GRID1: variants seen among roughly 807,000 people sequenced by gnomAD.
The protein encoded by GRID1 is glutamate ionotropic receptor delta type subunit 1.
In GRID1, 28 loss-of-function variants were observed where a neutral mutation model predicts 98.0. The observed-to-expected ratio is 0.29, with a 90% CI of 0.21 to 0.39. The LOEUF is 0.39. Ranked by LOEUF, GRID1 falls within the 10% of genes least tolerant of loss-of-function variation. GRID1 has a pLI of 1.00. For missense variants in GRID1, 1,111 were observed against 1,340.5 expected, an observed-to-expected ratio of 0.83 and a Z score of 2.67; for synonymous variants, 553 against 538.5, an observed-to-expected ratio of 1.03 and a Z score of -0.37.
chr10:86,347,150 C>A (rs1033260262), intron 2 of GRID1, among the ~76,000 whole-genome samples: 12 of 151,890 alleles, frequency 7.9e-5, no homozygotes, highest in African/African-American at 2.9e-4. Context: ...CTCCTGTCCC[C>A]AAAGAGCTTT....
chr10:86,358,517 G>T (rs562938350), intron 2 of GRID1, among the ~76,000 whole-genome samples: 8 of 152,258 alleles, frequency 5.3e-5, no homozygotes, highest in African/African-American at 1.9e-4. Flanking sequence ...CCAGCACTTT[G>T]GGAGGCAAAG....
intron 4 of GRID1, among the ~76,000 whole-genome samples, chr10:86,010,933 G>T (rs950586244): frequency 2.0e-5 from 3 of 152,148 alleles, no homozygotes; most frequent in Non-Finnish European, 4.4e-5. Flanking sequence ...AATCATGAAG[G>T]CTATCAAGAT....
intron 4 of GRID1, among the ~76,000 whole-genome samples, chr10:86,078,966 C>T (rs1385637698): frequency 6.6e-6 from 1 of 151,768 alleles, no homozygotes; most frequent in East Asian, 1.9e-4. Flanking sequence ...CTTAAGGGGG[C>T]TCAACAGGCA....
intron 2 of GRID1, among the ~76,000 whole-genome samples, chr10:86,251,492 C>G (rs1176807254): frequency 6.6e-6 from 1 of 152,168 alleles, no homozygotes; most frequent in Non-Finnish European, 1.5e-5. Flanking sequence ...GGGAGCTGGT[C>G]CCTCAAGCCT....
rs56750241 is a variant in GRID1 at position 86,221,898 on chromosome 10, T to TCTCCTCCTC, written c.236-15259_236-15251dup. Reference sequence around the variant, plus strand: ...GAAGCCCCCTCCCCCTCCTCCTCCTTCTCCTCCTCCTCCTCCTCCTCACCC... The same window carrying TCTCCTCCTC: ...GAAGCCCCCTCCCCCTCCTCCTCCTTCTCCTCCTCCTCCTCCTCCTCCTCCTCCTCACCC... On this transcript the variant is annotated intron_variant, in intron 2 of 15. Transcript: ENST00000327946. Among the ~76,000 whole-genome samples, 61 of 150,014 alleles carry TCTCCTCCTC rather than the reference T, an allele frequency of 4.1e-4. No homozygotes were observed. The East Asian group carries it at 4.2e-3, about 10-fold the overall frequency.
rs151332585 is a variant in GRID1, at chr10:86,090,803, C to T, written c.726+48016G>A. Among the ~76,000 whole-genome samples, 567 of 152,310 alleles carry T rather than the reference C, an allele frequency of 3.7e-3. 2 individuals are homozygous for T. The highest frequency in any genetic ancestry group is 0.01 in the Middle Eastern group (3 of 292). On this transcript the variant is annotated intron_variant, in intron 4 of 15. Transcript: ENST00000327946. ...CTTCTGCAGGACCCAAGAGACACCC[C>T]AAATACTGTGAATATCCCAACTCCA...
rs552293198 is a variant in GRID1, at chr10:86,148,178, C to T, written c.521-9154G>A. Among the ~76,000 whole-genome samples, 5 of 152,356 alleles carry T rather than the reference C, an allele frequency of 3.3e-5. No homozygotes were observed. The East Asian group carries it at 7.7e-4, about 24-fold the overall frequency. On this transcript the variant is annotated intron_variant, in intron 3 of 15. Transcript: ENST00000327946. Reference sequence around the variant, plus strand: ...AGCCTGTATTAAAACTCCCATACTCCTTGCAGCACTCTGCAATAGCCAAGA... The same window carrying T: ...AGCCTGTATTAAAACTCCCATACTCTTTGCAGCACTCTGCAATAGCCAAGA...
At chr10:85,788,358 C>T (rs1333454335) in intron 8 of GRID1, among the ~76,000 whole-genome samples, 1 of 152,174 alleles carries the variant, frequency 6.6e-6, no homozygotes, top group African/African-American at 2.4e-5. Context: ...CCCCTCTATT[C>T]CTACTTAGCA....
In GRID1 at chr10:86,297,397, G is replaced by A. The variant is rs568253754; in HGVS notation, c.235+66544C>T. On this transcript the variant is annotated intron_variant, in intron 2 of 15. Transcript: ENST00000327946. ...GAAAGGAATTCTTGATTAATAAATT[G>A]CGCTGATAGTTTTGAGGAAAAGTAA... Among the ~76,000 whole-genome samples the A allele has an allele frequency of 6.6e-4, 100 of 152,266 alleles. 2 individuals are homozygous for A. The South Asian group carries it at 0.021, about 32-fold the overall frequency.
At chr10:86,106,751 G>A (rs1225689441) in intron 4 of GRID1, among the ~76,000 whole-genome samples, 1 of 152,130 alleles carries the variant, frequency 6.6e-6, no homozygotes, top group Non-Finnish European at 1.5e-5. Context: ...GTCTACGGAA[G>A]CAAGGGAACG....
intron 4 of GRID1, among the ~76,000 whole-genome samples, chr10:86,136,153 C>A (rs1844921531): frequency 6.6e-6 from 1 of 152,206 alleles, no homozygotes; most frequent in South Asian, 2.1e-4. Flanking sequence ...CCATGCAATG[C>A]CTCCAGGTGG....
At chr10:86,084,276 G>A (rs1844018645) in intron 4 of GRID1, among the ~76,000 whole-genome samples, 1 of 151,948 alleles carries the variant, frequency 6.6e-6, no homozygotes, top group Non-Finnish European at 1.5e-5. Context: ...TAAAAATGAG[G>A]AGGCCTTATA....
intron 5 of GRID1, among the ~76,000 whole-genome samples, chr10:85,883,639 G>A (rs1841070697): frequency 6.6e-6 from 1 of 151,374 alleles, no homozygotes; most frequent in South Asian, 2.1e-4. Flanking sequence ...GCCTTATGAA[G>A]CCTTTGATTC....
chr10:86,226,063 C>T (rs991401161), intron 2 of GRID1, among the ~76,000 whole-genome samples: 1 of 152,032 alleles, frequency 6.6e-6, no homozygotes, highest in South Asian at 2.1e-4. Flanking sequence ...GACAGGTAGG[C>T]TGATGGGGCA....
chr10:85,910,190 T>C (rs1220983424), intron 5 of GRID1, among the ~76,000 whole-genome samples: 2 of 152,190 alleles, frequency 1.3e-5, no homozygotes, highest in Non-Finnish European at 2.9e-5. Flanking sequence ...TGGTAAATGG[T>C]ATAGGGACTG....
chr10:85,704,922 G>A (rs529995249), intron 12 of GRID1, among the ~76,000 whole-genome samples: 3 of 152,274 alleles, frequency 2.0e-5, no homozygotes, highest in South Asian at 2.1e-4. Flanking sequence ...TGAAACCAGT[G>A]AGAACAAAGA....
intron 4 of GRID1, among the ~76,000 whole-genome samples, chr10:86,099,475 A>T (rs771873327): frequency 6.6e-6 from 1 of 152,036 alleles, no homozygotes; most frequent in Non-Finnish European, 1.5e-5. Context: ...CAAGGCACCG[A>T]GAAGCCACGA....
chr10:85,923,326 G>A (rs934117723), intron 4 of GRID1, among the ~76,000 whole-genome samples: 1 of 152,182 alleles, frequency 6.6e-6, no homozygotes, highest in African/African-American at 2.4e-5. Flanking sequence ...CCAGCTCTAG[G>A]AAAGCCATCT....
At chr10:85,690,448 A>G (rs1269348101) in intron 12 of GRID1, among the ~76,000 whole-genome samples, 2 of 152,180 alleles carry the variant, frequency 1.3e-5, no homozygotes, top group South Asian at 4.1e-4. Flanking sequence ...TTTTTAACCA[A>G]TTACAAATCT....
Sources: allele counts gnomAD v4.1 joint callset (sites outside exome capture counted in the v4.1 genomes callset), GRCh38; gene constraint gnomAD v4.1.1; transcripts MANE v1.5; gene names NCBI Gene and HGNC (gene_info 2026-07-23, HGNC 2026-07-21).